VTA1: variants seen among roughly 807,000 people sequenced by gnomAD.
The protein encoded by VTA1 is vesicle trafficking 1, also known as vacuolar protein sorting-associated protein VTA1 homolog.
A neutral mutation model predicts 36.9 loss-of-function variants in VTA1; 24 were observed. That is an observed-to-expected ratio of 0.65 (90% CI 0.47 to 0.91). The LOEUF is 0.91. VTA1 is among the 40% of genes least tolerant of loss of function. The probability of loss-of-function intolerance (pLI) is 0.00; values close to 1 mark genes in which losing one functional copy is unlikely to be tolerated. For missense variants in VTA1, 393 were observed against 377.2 expected (o/e 1.04, Z -0.35); for synonymous variants, 142 against 130.2 (o/e 1.09, Z -0.62).
chr6:142,198,482 T>C lies in VTA1; in HGVS notation c.564T>C (p.Thr188=), dbSNP rs555431349. The change falls in exon 6 of 8, where the codon ACT becomes ACC. Residue 188 remains threonine, a synonymous_variant. Transcript: ENST00000367630. ...ATGCTGGAGCAGCCTCTCTGCCCAC[T>C]CAGCCAACTCAGCCATCATCATCTT... ...NEDAGAASLP[T]QPTQPSSSST... 1 of 1,614,074 alleles carries C rather than the reference T, an allele frequency of 6.2e-7. No individual in the cohort carries two copies. Among genetic ancestry groups the C allele is most frequent in the African/African-American group, 1.3e-5 (1 of 75,054 alleles).
chr6:142,192,511 G>C (rs1249963897), intron 5 of VTA1, among the ~76,000 whole-genome samples: 1 of 151,672 alleles, frequency 6.6e-6, no homozygotes, highest in African/African-American at 2.4e-5. Flanking sequence ...AATTTGTTTT[G>C]ATACAATGTT....
intron 7 of VTA1, among the ~76,000 whole-genome samples, chr6:142,217,543 C>T (rs1011131239): frequency 4.0e-5 from 6 of 151,008 alleles, no homozygotes; most frequent in Admixed American, 1.3e-4. Context: ...TTTTATGCTG[C>T]GTGTGTGTAT....
chr6:142,213,422 G>A (rs918134156), intron 7 of VTA1, among the ~76,000 whole-genome samples: 1 of 152,154 alleles, frequency 6.6e-6, no homozygotes, highest in Non-Finnish European at 1.5e-5. Context: ...GACTTTTCCA[G>A]GTGCATGATG....
chr6:142,209,407 AG>A (rs2114684079), intron 7 of VTA1, among the ~76,000 whole-genome samples: 1 of 151,510 alleles, frequency 6.6e-6, no homozygotes, highest in Admixed American at 6.6e-5. Flanking sequence ...TTAATAACTA[AG>A]AAAAACTATA....
chr6:142,205,218 G>A lies in VTA1; in HGVS notation c.778+1153G>A, dbSNP rs534966289. ...TACCTTAAGAGTTCTAGCACTGCCT[G>A]GGCAGTTTGTTACACAGTTTTAGGG... On this transcript the variant is annotated intron_variant, in intron 7 of 7. Transcript: ENST00000367630. Among the ~76,000 whole-genome samples, 3 of 152,184 alleles carry A rather than the reference G, an allele frequency of 2.0e-5. 1 individual carries two copies. In the South Asian group the frequency reaches 6.2e-4, roughly 32 times the overall value.
chr6:142,205,789 AATC>A (rs1775780293), intron 7 of VTA1, among the ~76,000 whole-genome samples: 1 of 152,146 alleles, frequency 6.6e-6, no homozygotes, highest in African/African-American at 2.4e-5. Flanking sequence ...GATGCCCTAG[AATC>A]CTGCCAGTAA....
intron 6 of VTA1, among the ~76,000 whole-genome samples, chr6:142,200,324 G>A (rs557565456): frequency 6.6e-6 from 1 of 151,844 alleles, no homozygotes; most frequent in Non-Finnish European, 1.5e-5. Context: ...TCCTATTTCT[G>A]TGCCAAGGAA....
chr6:142,188,535 C>T (rs1487760443), intron 4 of VTA1, among the ~76,000 whole-genome samples: 2 of 152,094 alleles, frequency 1.3e-5, no homozygotes, highest in South Asian at 2.1e-4. Context: ...ACCACGTTCG[C>T]TCTGGAACGC....
intron 1 of VTA1, among the ~76,000 whole-genome samples, chr6:142,157,909 TG>T (rs1244953574): frequency 6.7e-6 from 1 of 149,944 alleles, no homozygotes; most frequent in Non-Finnish European, 1.5e-5. Flanking sequence ...TGTTTCTACT[TG>T]GTGACCCTTA....
intron 4 of VTA1, among the ~76,000 whole-genome samples, chr6:142,180,575 G>C (rs917619934): frequency 1.1e-4 from 17 of 152,150 alleles, no homozygotes; most frequent in Non-Finnish European, 7.3e-5. Flanking sequence ...ATATTTACAT[G>C]TCTCTGAATA....
rs1457216710 is a variant in VTA1 at position 142,218,502 on chromosome 6, T to A, written c.783T>A (p.Asp261Glu). 1 of 1,612,910 alleles carries A rather than the reference T, an allele frequency of 6.2e-7. No homozygotes were observed. The part of the protein sequence containing the change: ...PALFNTISQG[D>E]VRLTPEDFAR... ...CAATTGTTCTTTTTCTTCTAGGGGA[T>A]GTTCGTCTAACCCCAGAAGACTTTG... Residue 261 changes from aspartate (D) to glutamate (E), a missense_variant, in exon 8 of 8, where the codon GAT becomes GAA. Transcript: ENST00000367630.
chr6:142,154,965 T>TA (rs1442901840), intron 1 of VTA1, among the ~76,000 whole-genome samples: 2 of 152,076 alleles, frequency 1.3e-5, no homozygotes, highest in Non-Finnish European at 2.9e-5. Flanking sequence ...TCTTTAGATT[T>TA]AAAAAAATCA....
chr6:142,181,094 A>AAATATAT lies in VTA1; in HGVS notation c.412-8331_412-8330insATATATA, dbSNP rs1471429927. ...AATGGTACAGAAAAAAAAAAAAAAA[A>AAATATAT]ATATATATATATATATATATATACA... On this transcript the variant is annotated intron_variant, in intron 4 of 7. Transcript: ENST00000367630. 1.6e-3 allele frequency among the ~76,000 whole-genome samples: 58 copies of AAATATAT among 36,440 alleles called. 2 individuals are homozygous for AAATATAT. In the South Asian group the frequency reaches 0.017, roughly 11 times the overall value. 23.9% of individuals were successfully genotyped at this position (36,440 alleles called of 152,430 possible).
intron 7 of VTA1, among the ~76,000 whole-genome samples, chr6:142,209,283 A>G (rs1219118389): frequency 2.0e-5 from 3 of 151,992 alleles, no homozygotes; most frequent in Non-Finnish European, 4.4e-5. Context: ...AAGCAATCCC[A>G]TTTACCATAG....
chr6:142,159,478 GTATTATTATTATTATTATTAT>G (rs199893577), intron 1 of VTA1, among the ~76,000 whole-genome samples: 238 of 134,842 alleles, frequency 1.8e-3, no homozygotes, highest in African/African-American at 5.6e-3. Context: ...TTCATTTCAG[GTATTATTATTATTATTATTAT>G]TATTATTATT....
At chr6:142,209,336 G>A (rs1043434875) in intron 7 of VTA1, among the ~76,000 whole-genome samples, 1 of 151,682 alleles carries the variant, frequency 6.6e-6, no homozygotes, top group Non-Finnish European at 1.5e-5. Flanking sequence ...TCTAACTAAA[G>A]AAGTTAGTTA....
At chr6:142,176,958 A>G (rs1283439770) in intron 4 of VTA1, among the ~76,000 whole-genome samples, 1 of 152,194 alleles carries the variant, frequency 6.6e-6, no homozygotes, top group East Asian at 1.9e-4. Context: ...GTTTAAGGGT[A>G]TCCGTGTGTA....
At chr6:142,198,132 T>C (rs1775601103) in intron 5 of VTA1, among the ~76,000 whole-genome samples, 1 of 139,448 alleles carries the variant, frequency 7.2e-6, no homozygotes, top group South Asian at 2.2e-4. Context: ...TGTGTGTGTG[T>C]GTGTGTGTGT....
rs768176398 is a variant in VTA1, at chr6:142,147,386, G to T, written c.99G>T (p.Val33=). ...AGGAGCATGACAAGCGAGACCCTGT[G>T]GTGGCTTATTACTGTGAGTCTTTCC... ...TAQEHDKRDP[V]VAYYCRLYAM... The change falls in exon 1 of 8, where the codon GTG becomes GTT. Residue 33 remains valine (V), a synonymous_variant. Coordinates refer to ENST00000367630, the MANE Select transcript of VTA1 (RefSeq NM_016485.5). 1 of 1,614,072 alleles carries T rather than the reference G, an allele frequency of 6.2e-7. No homozygotes were observed. Among genetic ancestry groups the T allele is most frequent in the South Asian group, 1.1e-5 (1 of 91,070 alleles).
Sources: gnomAD v4.1 joint callset for allele counts (sites outside exome capture counted in the v4.1 genomes callset) on GRCh38, gnomAD v4.1.1 for gene constraint, MANE v1.5 for transcripts, NCBI Gene and HGNC (gene_info 2026-07-23, HGNC 2026-07-21) for gene names.